The following ZNF804B variants were observed in gnomAD, a reference collection of about 807,000 sequenced individuals.
ZNF804B encodes the protein zinc finger 804B.
In ZNF804B, 80 loss-of-function variants were observed where a neutral mutation model predicts 101.4. The ratio of observed to expected loss-of-function variants is 0.79; its 90% CI spans 0.66 to 0.95. The LOEUF (loss-of-function observed/expected upper bound fraction) is 0.95. Ranked by LOEUF, ZNF804B falls within the 40% of genes least tolerant of loss-of-function variation. The pLI, the probability that ZNF804B is intolerant of heterozygous loss-of-function variation, is 0.00. For synonymous variants in ZNF804B, 622 were observed against 558.8 expected (o/e 1.11, Z -1.59); for missense variants, 1,673 against 1,561.9 (o/e 1.07, Z -1.20).
At chr7:89,063,944 A>G (rs901415830) in intron 1 of ZNF804B, among the ~76,000 whole-genome samples, 2 of 152,142 alleles carry the variant, frequency 1.3e-5, no homozygotes, top group Non-Finnish European at 2.9e-5. Flanking sequence ...ATTGTGTGTT[A>G]CTCTCAATAA....
At chr7:88,794,893 A>G (rs774143646) in intron 1 of ZNF804B, 2 of 1,610,986 alleles carry the variant, frequency 1.2e-6, no homozygotes, top group South Asian at 1.1e-5. Context: ...AAGAGGTTCC[A>G]GTGGCAAAGG....
chr7:89,027,240 AAGCC>A (rs1788765162), intron 1 of ZNF804B, among the ~76,000 whole-genome samples: 1 of 151,698 alleles, frequency 6.6e-6, no homozygotes, highest in African/African-American at 2.4e-5. Flanking sequence ...TGCAGAAAAA[AAGCC>A]AGAGAGAGAG....
chr7:89,036,517 G>A (rs1300197476), intron 1 of ZNF804B, among the ~76,000 whole-genome samples: 4 of 151,906 alleles, frequency 2.6e-5, no homozygotes, highest in Non-Finnish European at 2.9e-5. Flanking sequence ...AGGGTAAAAC[G>A]GAAATTAGTT....
chr7:88,909,497 T>C (rs552820337), intron 1 of ZNF804B, among the ~76,000 whole-genome samples: 7 of 151,856 alleles, frequency 4.6e-5, no homozygotes, highest in Non-Finnish European at 7.4e-5. Context: ...TCTTTGTTTT[T>C]CTTCTCCTAA....
At chr7:89,234,614 C>T (rs932263924) in intron 2 of ZNF804B, among the ~76,000 whole-genome samples, 5 of 152,108 alleles carry the variant, frequency 3.3e-5, no homozygotes, top group African/African-American at 1.2e-4. Context: ...TAGAAACAAG[C>T]AGATGAAAGC....
At chr7:89,003,563 G>A (rs1788322429) in intron 1 of ZNF804B, among the ~76,000 whole-genome samples, 1 of 151,876 alleles carries the variant, frequency 6.6e-6, no homozygotes, top group African/African-American at 2.4e-5. Context: ...TAATATTTTA[G>A]TATGAGAATG....
intron 1 of ZNF804B, among the ~76,000 whole-genome samples, chr7:88,762,520 T>G (rs1374205082): frequency 6.6e-6 from 1 of 152,340 alleles, no homozygotes. Context: ...ACTAATTAAT[T>G]GCAAAATATG....
Position 89,123,498 on chromosome 7 carries a change from G to A in ZNF804B, c.109-94657G>A, listed in dbSNP as rs78309570. Among the ~76,000 whole-genome samples the A allele has an allele frequency of 6.4e-3, 974 of 152,226 alleles. 9 individuals are homozygous for A. The highest frequency in any genetic ancestry group is 0.023 in the African/African-American group (944 of 41,536). The stretch of plus-strand genomic sequence containing the variant: ...TTTAATGTAAGAAGTATAATGAAGG[G>A]TTTGCTTTATGCTAAGCATTGTGCT... On this transcript the variant is annotated intron_variant, in intron 1 of 3. Coordinates refer to ENST00000333190, the MANE Select transcript of ZNF804B (RefSeq NM_181646.5).
chr7:88,795,005 C>T lies in ZNF804B; in HGVS notation c.108+34921C>T, dbSNP rs1024851388. 4 of 1,390,928 alleles carry T rather than the reference C, an allele frequency of 2.9e-6. No individual in the cohort carries two copies. The African/African-American group carries it at 5.8e-5, about 20-fold the overall frequency. The allele number at this position is 1,390,928 out of a possible 1,614,324, so 86.2% of individuals were successfully genotyped here. A position where few individuals can be genotyped will look rare whatever the true frequency, so the allele number is the denominator to read the frequency against. ...TTAGCTTATCATAATATTTATGCTGCCAGGGTACCTCTTTACTGATGAACT... is the reference window on the plus strand; with the variant it reads ...TTAGCTTATCATAATATTTATGCTGTCAGGGTACCTCTTTACTGATGAACT... On this transcript the variant is annotated intron_variant, in intron 1 of 3. Coordinates refer to ENST00000333190, the MANE Select transcript of ZNF804B (RefSeq NM_181646.5).
At chr7:89,074,395 C>T (rs772650858) in intron 1 of ZNF804B, among the ~76,000 whole-genome samples, 15 of 152,098 alleles carry the variant, frequency 9.9e-5, no homozygotes, top group African/African-American at 1.2e-4. Flanking sequence ...CTGAATTAAG[C>T]GGCAGGTCTT....
At chr7:89,050,068 T>G (rs759916499) in intron 1 of ZNF804B, among the ~76,000 whole-genome samples, 2 of 152,006 alleles carry the variant, frequency 1.3e-5, no homozygotes, top group African/African-American at 4.8e-5. Context: ...GAAAAAGAAA[T>G]AGTTTTTTTC....
At chr7:88,884,155 C>T (rs1309205034) in intron 1 of ZNF804B, among the ~76,000 whole-genome samples, 1 of 151,280 alleles carries the variant, frequency 6.6e-6, no homozygotes, top group Non-Finnish European at 1.5e-5. Flanking sequence ...GAGCACTCTC[C>T]ATATTCTTTA....
chr7:88,996,056 C>G (rs770942764), intron 1 of ZNF804B, among the ~76,000 whole-genome samples: 1 of 151,828 alleles, frequency 6.6e-6, no homozygotes, highest in Non-Finnish European at 1.5e-5. Context: ...GATCCTGGAA[C>G]AAAAACAGAA....
intron 1 of ZNF804B, among the ~76,000 whole-genome samples, chr7:89,135,655 A>T (rs2189067): frequency 0.22 from 33,700 of 151,982 alleles, 3,721 homozygotes; most frequent in Middle Eastern, 0.26. Context: ...TCTGATGCAC[A>T]AGGATGATAT....
At chr7:88,965,582 A>G (rs535752565) in intron 1 of ZNF804B, among the ~76,000 whole-genome samples, 68 of 151,516 alleles carry the variant, frequency 4.5e-4, no homozygotes, top group Admixed American at 2.9e-3. Context: ...GAGAAACTTG[A>G]AAACAGATGG....
intron 1 of ZNF804B, among the ~76,000 whole-genome samples, chr7:89,103,547 T>C (rs1790092260): frequency 6.6e-6 from 1 of 151,832 alleles, no homozygotes; most frequent in Non-Finnish European, 1.5e-5. Context: ...TTGAATGCTA[T>C]TGGTGTACAG....
intron 2 of ZNF804B, among the ~76,000 whole-genome samples, chr7:89,226,563 G>T (rs1224356633): frequency 2.6e-5 from 4 of 151,912 alleles, no homozygotes; most frequent in Admixed American, 2.6e-4. Flanking sequence ...CATCTTTTCA[G>T]ATAAGTCTCT....
intron 1 of ZNF804B, among the ~76,000 whole-genome samples, chr7:89,001,872 G>A (rs998445099): frequency 3.3e-5 from 5 of 151,470 alleles, no homozygotes; most frequent in Admixed American, 2.6e-4. Flanking sequence ...TATTATTATT[G>A]TCCTTTTCTT....
chr7:89,085,861 G>A, intron 1 of ZNF804B, among the ~76,000 whole-genome samples: 1 of 151,848 alleles, frequency 6.6e-6, no homozygotes, highest in Non-Finnish European at 1.5e-5. Context: ...AAGATTTAAT[G>A]GGTTATCTTC....
Sources: allele counts gnomAD v4.1 joint callset (sites outside exome capture counted in the v4.1 genomes callset), GRCh38; gene constraint gnomAD v4.1.1; transcripts MANE v1.5; gene names NCBI Gene and HGNC (gene_info 2026-07-23, HGNC 2026-07-21).